CNTN5: variants seen among roughly 807,000 people sequenced by gnomAD.
CNTN5 encodes contactin-5.
Under a neutral mutation model 129.1 loss-of-function variants are expected in CNTN5, and 77 were observed. The observed-to-expected ratio is 0.60, with a 90% CI of 0.50 to 0.72. The LOEUF is 0.72. Among genes scored for constraint, CNTN5 ranks in the 30% least tolerant of loss-of-function variants. CNTN5 has a pLI of 0.00. For synonymous variants in CNTN5, 509 were observed against 465.6 expected (o/e 1.09, Z -1.20); for missense variants, 1,478 against 1,328.8 (o/e 1.11, Z -1.75).
At chr11:100,233,718 G>T (rs2138657192) in intron 16 of CNTN5, among the ~76,000 whole-genome samples, 1 of 152,058 alleles carries the variant, frequency 6.6e-6, no homozygotes, top group Non-Finnish European at 1.5e-5. Context: ...TCTTATCTAG[G>T]TGCCATGGGT....
At chr11:100,136,330 A>C (rs903901447) in intron 13 of CNTN5, among the ~76,000 whole-genome samples, 1 of 152,106 alleles carries the variant, frequency 6.6e-6, no homozygotes, top group Non-Finnish European at 1.5e-5. Flanking sequence ...GCATTTTTAC[A>C]TCTTTTCTAA....
chr11:99,242,417 CCT>C (rs1289976036), intron 1 of CNTN5, among the ~76,000 whole-genome samples: 1 of 151,920 alleles, frequency 6.6e-6, no homozygotes, highest in African/African-American at 2.4e-5. Context: ...AATATTCTTC[CCT>C]GTTAGTAATT....
chr11:100,172,372 C>T (rs1184924156), intron 13 of CNTN5, among the ~76,000 whole-genome samples: 1 of 151,956 alleles, frequency 6.6e-6, no homozygotes, highest in Non-Finnish European at 1.5e-5. Context: ...TTGTTGACTA[C>T]TTATTGTGTT....
At chr11:99,030,110 G>A (rs1326842918) in intron 1 of CNTN5, among the ~76,000 whole-genome samples, 2 of 152,078 alleles carry the variant, frequency 1.3e-5, no homozygotes, top group African/African-American at 2.4e-5. Context: ...GTTTAACCCA[G>A]GTGTTTCCCT....
At chr11:99,331,268 A>G (rs1334373906) in intron 2 of CNTN5, among the ~76,000 whole-genome samples, 1 of 152,162 alleles carries the variant, frequency 6.6e-6, no homozygotes, top group Non-Finnish European at 1.5e-5. Context: ...ACCGAAGACC[A>G]GTGGAGAAAG....
chr11:99,776,713 A>C (rs1179186793), intron 3 of CNTN5, among the ~76,000 whole-genome samples: 1 of 151,788 alleles, frequency 6.6e-6, no homozygotes, highest in Non-Finnish European at 1.5e-5. Context: ...ACGGGACAGA[A>C]GCTAATCAAC....
chr11:100,072,085 G>A (rs1164377237), intron 12 of CNTN5, among the ~76,000 whole-genome samples: 5 of 151,950 alleles, frequency 3.3e-5, no homozygotes, highest in African/African-American at 4.8e-5. Context: ...TACACAATAC[G>A]TCTTTGCTAT....
At chr11:100,140,480 G>A (rs1946660106) in intron 13 of CNTN5, among the ~76,000 whole-genome samples, 1 of 152,158 alleles carries the variant, frequency 6.6e-6, no homozygotes, top group Non-Finnish European at 1.5e-5. Flanking sequence ...TGTTGGTCTT[G>A]ATGAGATTAA....
intron 3 of CNTN5, among the ~76,000 whole-genome samples, 181 bp downstream of exon 3, chr11:99,556,450 AC>A (rs778658003): frequency 6.7e-6 from 1 of 150,170 alleles, no homozygotes; most frequent in Non-Finnish European, 1.5e-5. Context: ...AATGCCATAT[AC>A]AATTTAATAT....
chr11:99,292,236 A>ATG (rs1389068453), intron 1 of CNTN5, among the ~76,000 whole-genome samples: 2 of 132,732 alleles, frequency 1.5e-5, no homozygotes, highest in East Asian at 4.6e-4. Flanking sequence ...ATATATATAT[A>ATG]TAAAAGCTTA....
At chr11:100,039,720 T>C (rs537287001) in intron 9 of CNTN5, among the ~76,000 whole-genome samples, 4 of 152,196 alleles carry the variant, frequency 2.6e-5, no homozygotes, top group Non-Finnish European at 4.4e-5. Flanking sequence ...TCATTCATTT[T>C]GTCTTCCATC....
chr11:99,224,872 T>G (rs1232565858), intron 1 of CNTN5, among the ~76,000 whole-genome samples: 1 of 151,978 alleles, frequency 6.6e-6, no homozygotes, highest in Non-Finnish European at 1.5e-5. Flanking sequence ...GATTCCCATG[T>G]ATTTATTTTG....
chr11:100,212,304 T>C (rs1259226517), intron 15 of CNTN5, among the ~76,000 whole-genome samples: 2 of 152,150 alleles, frequency 1.3e-5, no homozygotes, highest in Non-Finnish European at 2.9e-5. Context: ...TCAATGTATT[T>C]AGCCATTTCC....
intron 1 of CNTN5, among the ~76,000 whole-genome samples, chr11:99,317,665 G>A (rs1468419703): frequency 6.6e-6 from 1 of 152,118 alleles, no homozygotes; most frequent in Non-Finnish European, 1.5e-5. Context: ...AAGGAGCCAC[G>A]ATGCACTGAT....
At chr11:99,053,128 C>A (rs1864489857) in intron 1 of CNTN5, among the ~76,000 whole-genome samples, 2 of 151,844 alleles carry the variant, frequency 1.3e-5, no homozygotes, top group South Asian at 2.1e-4. Flanking sequence ...AGTTTAGGAC[C>A]AATTTGCTAT....
At chr11:100,253,160 C>A (rs181865590) in intron 16 of CNTN5, among the ~76,000 whole-genome samples, 7 of 152,240 alleles carry the variant, frequency 4.6e-5, no homozygotes, top group African/African-American at 1.4e-4. Context: ...CTAACACATA[C>A]TTTTTCTCTT....
At chr11:99,113,160 T>A (rs1857881716) in intron 1 of CNTN5, among the ~76,000 whole-genome samples, 1 of 152,070 alleles carries the variant, frequency 6.6e-6, no homozygotes, top group African/African-American at 2.4e-5. Context: ...CAAAATTGTA[T>A]CTTTTTCAGA....
At chr11:100,247,106 G>A (rs1452455631) in intron 16 of CNTN5, among the ~76,000 whole-genome samples, 1 of 152,192 alleles carries the variant, frequency 6.6e-6, no homozygotes, top group Non-Finnish European at 1.5e-5. Flanking sequence ...ACTTAGGCAA[G>A]GCAGTCAGAG....
intron 2 of CNTN5, among the ~76,000 whole-genome samples, chr11:99,382,070 A>G (rs545998309): frequency 2.8e-5 from 4 of 142,300 alleles, no homozygotes; most frequent in Admixed American, 7.0e-5. Flanking sequence ...AAATTTACAA[A>G]TGCCTCAGGG....
Sources: allele counts gnomAD v4.1 joint callset (sites outside exome capture counted in the v4.1 genomes callset), GRCh38; gene constraint gnomAD v4.1.1; transcripts MANE v1.5; gene names NCBI Gene and HGNC (gene_info 2026-07-23, HGNC 2026-07-21).